Variants in PRF1 observed in about 807,000 individuals in gnomAD.
The protein encoded by PRF1 is perforin 1.
A neutral mutation model predicts 11.7 loss-of-function variants in PRF1; 11 were observed. The observed-to-expected ratio is 0.94, with a 90% confidence interval of 0.59 to 1.56. The LOEUF is 1.56. PRF1 is among the 40% of genes most tolerant of loss of function. The pLI is 0.00. For missense variants in PRF1, 729 were observed against 751.0 expected (o/e 0.97, Z 0.34); for synonymous variants, 314 against 327.8 (o/e 0.96, Z 0.45).
In PRF1 at chr10:70,600,518, A is replaced by G. The variant is rs1848208183; in HGVS notation, c.385T>C (p.Trp129Arg). 1.9e-6 allele frequency: 3 copies of G among 1,614,150 alleles called. No individual in the cohort carries two copies. Among genetic ancestry groups the G allele is most frequent in the Non-Finnish European group, 2.5e-6 (3 of 1,180,022 alleles). ...RDAARSIRND[W>R]KVGLDVTPKP... is the part of the protein sequence containing the mutation. ...GGAGTCACGTCCAGCCCGACCTTCC[A>G]GTCGTTGCGGATGCTACGAGCCGCA... The change falls in exon 2 of 3, where the codon TGG becomes CGG. Residue 129 changes from tryptophan (W) to arginine (R), a missense_variant. Trp to Arg is a moderately radical substitution (Grantham distance 101). Coordinates refer to ENST00000441259, the MANE Select transcript of PRF1 (RefSeq NM_001083116.3). The surrounding 1 kb of genome is among the most constrained non-coding windows in gnomAD (Gnocchi z 4.9).
Position 70,598,985 on chromosome 10 carries a change from G to T in PRF1, c.736C>A (p.Leu246Met), listed in dbSNP as rs552830871. 6.2e-7 allele frequency: 1 copy of T among 1,614,222 alleles called. No individual in the cohort carries two copies. Among genetic ancestry groups the T allele is most frequent in the South Asian group, 1.1e-5 (1 of 91,084 alleles). Residue 246 changes from leucine (L) to methionine (M), a missense_variant, in exon 3 of 3, where the codon CTG (leucine) becomes ATG (methionine). Coordinates refer to ENST00000441259, the MANE Select transcript of PRF1 (RefSeq NM_001083116.3). ...LTALRTCELALEGLTDNEVED... is the reference protein window; with the variant it reads ...LTALRTCELAMEGLTDNEVED... ...ACCTCGTTGTCCGTGAGCCCTTCCA[G>T]GGCCAGCTCGCAGGTGCGCAGGGCA... is the stretch of plus-strand genomic sequence containing the variant.
chr10:70,598,256 T>A lies in PRF1; in HGVS notation c.1465A>T (p.Arg489Trp), dbSNP rs1448098823. ...CAGGTGCCAAGGAGGTCATCGTCCC[T>A]GCCAGAGTCCTGATCCCAGACCTGC... is the stretch of plus-strand genomic sequence containing the variant. ...RLQVWDQDSG[R>W]DDDLLGTCDQ... The change falls in exon 3 of 3, where the codon AGG (arginine) becomes TGG (tryptophan). Residue 489 changes from arginine (R) to tryptophan (W), a missense_variant. Coordinates refer to ENST00000441259, the MANE Select transcript of PRF1 (RefSeq NM_001083116.3). The A allele has an allele frequency of 6.2e-7, 1 of 1,614,210 alleles. No individual in the cohort carries two copies. Among genetic ancestry groups the A allele is most frequent in the East Asian group, 2.2e-5 (1 of 44,876 alleles).
At position 70,602,686 on chromosome 10, in the gene PRF1, C is replaced by T. The variant is rs904787995; in HGVS notation, c.-72G>A. On this transcript the variant is annotated 5_prime_UTR_variant, in exon 1 of 3. Coordinates refer to ENST00000441259, the MANE Select transcript of PRF1 (RefSeq NM_001083116.3). ...AGAAGCGGCTACACAGATGGATATC[C>T]TCTCTTCACCGAGGCTCCTGGAATG... 3.3e-5 allele frequency: 5 copies of T among 152,306 alleles called. No individual in the cohort carries two copies. The highest frequency in any genetic ancestry group is 5.9e-5 in the Non-Finnish European group (4 of 68,136). The allele number at this position is 152,306 out of a possible 1,614,324, so 9.4% of individuals were successfully genotyped here. A position where few individuals can be genotyped will look rare whatever the true frequency, so the allele number is the denominator to read the frequency against.
chr10:70,598,088 C>G lies in PRF1; in HGVS notation c.1633G>C (p.Glu545Gln). ...GCCCCACTCCGGTTTCCTGGAGGCT[C>G]CCCCAGAAGCATTTGGGGGACATAG... ...LDYVPQMLLG[E>Q]PPGNRSGAVW The change falls in exon 3 of 3, where the codon GAG becomes CAG. Residue 545 changes from glutamate (E) to glutamine (Q), a missense_variant. Transcript: ENST00000441259. 6.2e-7 allele frequency: 1 copy of G among 1,613,926 alleles called. No individual in the cohort carries two copies. Among genetic ancestry groups the G allele is most frequent in the Non-Finnish European group, 8.5e-7 (1 of 1,180,014 alleles).
chr10:70,597,901 T>A lies in PRF1; in HGVS notation c.*152A>T. 1 of 938,034 alleles carries A rather than the reference T, an allele frequency of 1.1e-6. No homozygotes were observed. The allele number at this position is 938,034 out of a possible 1,614,324, so 58.1% of individuals were successfully genotyped here. A position where few individuals can be genotyped will look rare whatever the true frequency, so the allele number is the denominator to read the frequency against. On this transcript the variant is annotated 3_prime_UTR_variant, in exon 3 of 3. Transcript: ENST00000441259. ...ATAATGTTTTAAGAAAGTTTGCGAATTTGCGTTGGGCCGCATTCAAAGCCA... is the reference window on the plus strand; with the variant it reads ...ATAATGTTTTAAGAAAGTTTGCGAAATTGCGTTGGGCCGCATTCAAAGCCA...
Position 70,598,385 on chromosome 10 carries a change from GGCCACC to G in PRF1, c.1330_1335del (p.Gly444_Gly445del), listed in dbSNP as rs778216917. On this transcript the variant is annotated inframe_deletion, in exon 3 of 3. Transcript: ENST00000441259. ...CACACGGTGCTCGTCCTCAGCTCCT[GGCCACC>G]AAAGAAGAGCTTCACATAGGCATCC... is the stretch of plus-strand genomic sequence containing the variant. 4 of 1,614,132 alleles carry G rather than the reference GGCCACC, an allele frequency of 2.5e-6. No individual in the cohort carries two copies. In the South Asian group the frequency reaches 4.4e-5, roughly 18 times the overall value.
intron 2 of PRF1, among the ~76,000 whole-genome samples, chr10:70,599,449 T>C (rs1373295443): frequency 1.3e-5 from 2 of 152,174 alleles, no homozygotes; most frequent in East Asian, 1.9e-4. Flanking sequence ...AATTTTCTTA[T>C]TATAAAAGCA....
In PRF1 at chr10:70,600,935, G is replaced by A; in HGVS notation, c.-30-3C>T. ...CAGAGACAGGGGGCACTTGGGCTCTGGGAAGCCATGGGTGGAGGGATGGAG... is the reference window on the plus strand; with the variant it reads ...CAGAGACAGGGGGCACTTGGGCTCTAGGAAGCCATGGGTGGAGGGATGGAG... On this transcript the variant is annotated splice_region_variant and splice_polypyrimidine_tract_variant and intron_variant, in intron 1 of 2. Transcript: ENST00000441259. The surrounding 1 kb of genome is among the most constrained non-coding windows in gnomAD (Gnocchi z 4.9). The A allele has an allele frequency of 6.4e-7, 1 of 1,554,194 alleles. No individual in the cohort carries two copies. The highest frequency in any genetic ancestry group is 8.7e-7 in the Non-Finnish European group (1 of 1,151,196).
In PRF1 at chr10:70,600,374, G is replaced by A. The variant is rs201468340; in HGVS notation, c.529C>T (p.Arg177Cys). The change falls in exon 2 of 3, where the codon CGC becomes TGC. Residue 177 changes from arginine to cysteine, a missense_variant. Coordinates refer to ENST00000441259, the MANE Select transcript of PRF1 (RefSeq NM_001083116.3). This position sits in a 1 kb window ranked among gnomAD's most constrained non-coding sequence, Gnocchi z 4.9. Reference sequence around the variant, plus strand: ...AGCCCCAGCTCTCACCTGTAGAAGCGGCACTCCACCGTGTCAGTGCTGAAG... The same window carrying A: ...AGCCCCAGCTCTCACCTGTAGAAGCAGCACTCCACCGTGTCAGTGCTGAAG... Reference protein sequence around the residue: ...YSFSTDTVECRFYSFHVVHTP... With the variant: ...YSFSTDTVECCFYSFHVVHTP... 184 of 1,613,918 alleles carry A rather than the reference G, an allele frequency of 1.1e-4. No individual in the cohort carries two copies. The highest frequency in any genetic ancestry group is 1.4e-4 in the Non-Finnish European group (171 of 1,180,024).
Position 70,599,673 on chromosome 10 carries a change from G to T in PRF1, c.540-492C>A, listed in dbSNP as rs185816171. ...GTCGAACTTTGGAACTAGTCATGTG[G>T]CCTTCATCCATCCGTCCCCCTGGAT... On this transcript the variant is annotated intron_variant, in intron 2 of 2. Transcript: ENST00000441259. 5.1e-3 allele frequency among the ~76,000 whole-genome samples: 781 copies of T among 152,224 alleles called. 4 individuals carry two copies. The highest frequency in any genetic ancestry group is 8.6e-3 in the Non-Finnish European group (582 of 68,016).
rs1258470457 is a variant in PRF1, at chr10:70,598,563, C to T, written c.1158G>A (p.Gln386=). 6.2e-7 allele frequency: 1 copy of T among 1,612,810 alleles called. No homozygotes were observed. The highest frequency in any genetic ancestry group is 1.3e-5 in the African/African-American group (1 of 74,932). ...ACTGGCATGGGTCTCGGGGGCTCTT[C>T]TGCCGCCCTGGTGGGCACGGCCGGC... ...DCSRPCPPGR[Q]KSPRDPCQCV... is the part of the protein sequence containing the mutation. The change falls in exon 3 of 3, where the codon CAG becomes CAA. Residue 386 remains glutamine, a synonymous_variant. Transcript: ENST00000441259.
chr10:70,597,369 T>C lies in PRF1; in HGVS notation c.*684A>G, dbSNP rs1471415312. ...ATGATCACCATAACATCATATTTATTGGCCCTTTATCAAGCTATGTACATG... is the reference window on the plus strand; with the variant it reads ...ATGATCACCATAACATCATATTTATCGGCCCTTTATCAAGCTATGTACATG... On this transcript the variant is annotated 3_prime_UTR_variant, in exon 3 of 3. Coordinates refer to ENST00000441259, the MANE Select transcript of PRF1 (RefSeq NM_001083116.3). 1 of 276,720 alleles carries C rather than the reference T, an allele frequency of 3.6e-6. No individual in the cohort carries two copies. The highest frequency in any genetic ancestry group is 5.4e-5 in the East Asian group (1 of 18,552). 17.1% of individuals were successfully genotyped at this position (276,720 alleles called of 1,614,324 possible).
chr10:70,597,618 A>C lies in PRF1; in HGVS notation c.*435T>G. ...TCCTGGCTGAAGCTGTGATCTGTGT[A>C]GCTGTGACTGCAGGGCTTGAGAATG... On this transcript the variant is annotated 3_prime_UTR_variant, in exon 3 of 3. Transcript: ENST00000441259. The C allele has an allele frequency of 1.8e-6, 1 of 562,654 alleles. No individual in the cohort carries two copies. Among genetic ancestry groups the C allele is most frequent in the South Asian group, 2.6e-5 (1 of 38,420 alleles). The allele number at this position is 562,654 out of a possible 1,614,324, so 34.9% of individuals were successfully genotyped here.
rs754602851 is a variant in PRF1 at position 70,598,331 on chromosome 10, G to A, written c.1390C>T (p.Arg464Trp). The change falls in exon 3 of 3, where the codon CGG (arginine) becomes TGG (tryptophan). Residue 464 changes from arginine to tryptophan, a missense_variant. By Grantham distance (101) the Arg-to-Trp change is moderately radical. Coordinates refer to ENST00000441259, the MANE Select transcript of PRF1 (RefSeq NM_001083116.3). Reference protein sequence around the residue: ...WDNNNPIWSVRLDFGDVLLAT... With the variant: ...WDNNNPIWSVWLDFGDVLLAT... ...AGGAGCACATCCCCAAAATCCAGCC[G>A]CACTGACCAGATGGGGTTGTTATTG... 110 of 1,614,062 alleles carry A rather than the reference G, an allele frequency of 6.8e-5. No homozygotes were observed. The highest frequency in any genetic ancestry group is 8.5e-5 in the Non-Finnish European group (100 of 1,180,036).
intron 1 of PRF1, among the ~76,000 whole-genome samples, chr10:70,601,350 C>T (rs1848226937): frequency 6.6e-6 from 1 of 152,124 alleles, no homozygotes; most frequent in Non-Finnish European, 1.5e-5. Context: ...CACCCTTTGC[C>T]CACCCTGACT....
At chr10:70,601,012 G>C in intron 1 of PRF1, 80 bp from the exon 2 acceptor site, 1 of 1,506,380 alleles carries the variant, frequency 6.6e-7, no homozygotes. Flanking sequence ...ACATGGAAGG[G>C]GAGGGGCTGA....
Position 70,597,738 on chromosome 10 carries a change from C to T in PRF1, c.*315G>A. On this transcript the variant is annotated 3_prime_UTR_variant, in exon 3 of 3. Transcript: ENST00000441259. ...AACAGTCTGAATCTCCCTTTTCCAT[C>T]TGTCTGATGCGTATCCAATCTTTTG... 1.7e-6 allele frequency: 1 copy of T among 595,828 alleles called. No individual in the cohort carries two copies. The highest frequency in any genetic ancestry group is 3.0e-5 in the Admixed American group (1 of 33,224). The allele number at this position is 595,828 out of a possible 1,614,324, so 36.9% of individuals were successfully genotyped here. A position where few individuals can be genotyped will look rare whatever the true frequency, so the allele number is the denominator to read the frequency against.
At chr10:70,602,396 C>A (rs1175030937) in intron 1 of PRF1, among the ~76,000 whole-genome samples, 1 of 152,110 alleles carries the variant, frequency 6.6e-6, no homozygotes, top group Non-Finnish European at 1.5e-5. Context: ...TCCCAGGGAG[C>A]CTCTTTCCAG....
rs34914326 is a variant in PRF1, at chr10:70,597,843, T to TAAA, written c.*207_*209dup. ...CTAGCACTAACGATAGCCGATGAGC[T>TAAA]AAAAAAAAAAAAAAAATAGCAAAAA... On this transcript the variant is annotated 3_prime_UTR_variant, in exon 3 of 3. Transcript: ENST00000441259. 1,678 of 596,524 alleles carry TAAA rather than the reference T, an allele frequency of 2.8e-3. 30 individuals carry two copies. The African/African-American group carries it at 0.031, about 11-fold the overall frequency. 37.0% of individuals were successfully genotyped at this position (596,524 alleles called of 1,614,324 possible). A position where few individuals can be genotyped will look rare whatever the true frequency, so the allele number is the denominator to read the frequency against.
Sources: gnomAD v4.1 joint callset for allele counts (sites outside exome capture counted in the v4.1 genomes callset) on GRCh38, gnomAD v4.1.1 for gene constraint, Gnocchi (gnomAD v3.1) non-coding constraint, MANE v1.5 for transcripts, NCBI Gene and HGNC (gene_info 2026-07-23, HGNC 2026-07-21) for gene names.